RBPJ: variants seen among roughly 807,000 people sequenced by gnomAD.
RBPJ encodes the protein recombining binding protein suppressor of hairless.
A neutral mutation model predicts 67.8 loss-of-function variants in RBPJ; 9 were observed. The observed-to-expected ratio is 0.13, with a 90% CI of 0.08 to 0.23. The LOEUF (loss-of-function observed/expected upper bound fraction) is 0.23. Among genes scored for constraint, RBPJ ranks in the 10% least tolerant of loss-of-function variants. The pLI, the probability that RBPJ is intolerant of heterozygous loss-of-function variation, is 1.00. For missense variants in RBPJ, 305 were observed against 595.6 expected, an observed-to-expected ratio of 0.51 and a Z score of 5.08; for synonymous variants, 198 against 203.3, an observed-to-expected ratio of 0.97 and a Z score of 0.22.
upstream of RBPJ, chr4:26,320,880 T>A (rs1722951815): frequency 6.3e-7 from 1 of 1,580,120 alleles, no homozygotes; most frequent in Admixed American, 1.9e-5. Flanking sequence ...GGCGTCTGGC[T>A]CTTCGCGGCG....
At chr4:26,316,643 T>C (rs560163209), upstream of RBPJ, among the ~76,000 whole-genome samples, 1 of 142,650 alleles carries the variant, frequency 7.0e-6, no homozygotes, top group South Asian at 2.1e-4. Context: ...TTGATATATA[T>C]ATACACATAT....
rs532888930 is a variant in RBPJ, at chr4:26,293,236, C to G, written c.-166-69210C>G. On this transcript the variant is annotated intron_variant, in intron 1 of 4. Coordinates refer to the RBPJ transcript ENST00000512351. ...CTCAGCTGCAGGCCTCAGGGCTTTG[C>G]TAGGTTTCCCCCCTTTACTAGGTGT... Among the ~76,000 whole-genome samples, 131 of 150,576 alleles carry G rather than the reference C, an allele frequency of 8.7e-4. 2 individuals carry two copies. The highest frequency in any genetic ancestry group is 3.1e-3 in the African/African-American group (127 of 41,018).
intron 1 of RBPJ, among the ~76,000 whole-genome samples, chr4:26,363,181 C>T (rs1046195016): frequency 6.6e-6 from 1 of 152,170 alleles, no homozygotes; most frequent in African/African-American, 2.4e-5. Flanking sequence ...GCTCTGTCGT[C>T]TGAGCTGGAG....
intron 5 of RBPJ, among the ~76,000 whole-genome samples, chr4:26,421,739 A>G (rs942733741): frequency 5.3e-5 from 8 of 152,162 alleles, no homozygotes; most frequent in Non-Finnish European, 1.0e-4. Context: ...TGTAAATCTC[A>G]TCCTATCCTT....
At chr4:26,366,470 C>G (rs1728638185) in intron 1 of RBPJ, among the ~76,000 whole-genome samples, 1 of 152,070 alleles carries the variant, frequency 6.6e-6, no homozygotes, top group African/African-American at 2.4e-5. Flanking sequence ...GTCACCCAGG[C>G]TGGAGGACAG....
At chr4:26,254,994 A>G (rs116128213) in intron 1 of RBPJ, among the ~76,000 whole-genome samples, 6 of 129,192 alleles carry the variant, frequency 4.6e-5, no homozygotes, top group African/African-American at 1.9e-4. Flanking sequence ...GAACCACCGC[A>G]CCTGGCCAAC....
chr4:26,362,186 GTAA>G (rs2109501927), intron 1 of RBPJ, among the ~76,000 whole-genome samples: 1 of 152,278 alleles, frequency 6.6e-6, no homozygotes, highest in Admixed American at 6.5e-5. Flanking sequence ...AGTCTTTTAA[GTAA>G]TTTTTATTCC....
rs553253889 is a variant in RBPJ, at chr4:26,275,529, A to G, written c.-166-86917A>G. On this transcript the variant is annotated intron_variant, in intron 1 of 4. Coordinates refer to the RBPJ transcript ENST00000512351. ...TATGTGACTCGGGTGTGGCTAAGCAACATGTCAAGTCAGTCGCCGGAGAAA... is the reference window on the plus strand; with the variant it reads ...TATGTGACTCGGGTGTGGCTAAGCAGCATGTCAAGTCAGTCGCCGGAGAAA... Among the ~76,000 whole-genome samples the G allele has an allele frequency of 6.6e-5, 10 of 152,370 alleles. No homozygotes were observed. In the South Asian group the frequency reaches 2.1e-3, roughly 32 times the overall value.
intron 2 of RBPJ, among the ~76,000 whole-genome samples, chr4:26,398,110 C>T (rs1025494656): frequency 1.3e-5 from 2 of 151,844 alleles, no homozygotes; most frequent in African/African-American, 4.8e-5. Flanking sequence ...TTTGAAAATT[C>T]TTGATACAAC....
chr4:26,214,743 A>C (rs1718590015), intron 1 of RBPJ, among the ~76,000 whole-genome samples: 1 of 75,994 alleles, frequency 1.3e-5, no homozygotes, highest in Non-Finnish European at 2.6e-5. Context: ...GGGAAGAGAG[A>C]GAGAAAGAGA....
At chr4:26,428,957 C>A in intron 8 of RBPJ, 97 bp downstream of exon 8, 1 of 884,970 alleles carries the variant, frequency 1.1e-6, no homozygotes, top group Non-Finnish European at 1.8e-6. Flanking sequence ...TAATTATATA[C>A]AAATACATGA....
At chr4:26,403,716 C>T (rs1733091955) in intron 2 of RBPJ, among the ~76,000 whole-genome samples, 1 of 152,196 alleles carries the variant, frequency 6.6e-6, no homozygotes, top group Admixed American at 6.5e-5. Flanking sequence ...GACATGCTCT[C>T]ATTTTTTTTA....
At chr4:26,289,545 G>A (rs1167390730) in intron 1 of RBPJ, among the ~76,000 whole-genome samples, 1 of 150,632 alleles carries the variant, frequency 6.6e-6, no homozygotes, top group African/African-American at 2.4e-5. Flanking sequence ...TTCACTTTCT[G>A]ACAAGAGTGA....
chr4:26,362,396 A>G, intron 1 of RBPJ: 3 of 1,136,146 alleles, frequency 2.6e-6, no homozygotes, highest in Non-Finnish European at 3.6e-6. Context: ...GTGCACTAGC[A>G]GTTTAACATA....
At chr4:26,280,212 C>G (rs564621347) in intron 1 of RBPJ, among the ~76,000 whole-genome samples, 1 of 151,660 alleles carries the variant, frequency 6.6e-6, no homozygotes, top group African/African-American at 2.4e-5. Flanking sequence ...CTGGCTAACA[C>G]GGCGAAACCC....
intron 1 of RBPJ, among the ~76,000 whole-genome samples, chr4:26,281,589 A>G (rs935215422): frequency 6.6e-6 from 1 of 152,202 alleles, no homozygotes; most frequent in African/African-American, 2.4e-5. Context: ...ACTCTAAGAT[A>G]CGACCTTTAA....
chr4:26,392,878 A>C (rs1438018070), intron 2 of RBPJ, among the ~76,000 whole-genome samples: 1 of 152,226 alleles, frequency 6.6e-6, no homozygotes, highest in East Asian at 1.9e-4. Context: ...AAATATTCTG[A>C]AAGGGATTAG....
chr4:26,206,332 C>T (rs907328863), intron 1 of RBPJ, among the ~76,000 whole-genome samples: 4 of 152,174 alleles, frequency 2.6e-5, no homozygotes, highest in African/African-American at 4.8e-5. Context: ...TGTGACTATC[C>T]TTGTGAAATT....
At chr4:26,402,336 G>A (rs1732918741) in intron 2 of RBPJ, among the ~76,000 whole-genome samples, 1 of 152,284 alleles carries the variant, frequency 6.6e-6, no homozygotes, top group Middle Eastern at 3.4e-3. Flanking sequence ...AATGTTAGTG[G>A]GAATCGGCAC....
Sources: allele counts gnomAD v4.1 joint callset (sites outside exome capture counted in the v4.1 genomes callset), GRCh38; gene constraint gnomAD v4.1.1; transcripts MANE v1.5; gene names NCBI Gene and HGNC (gene_info 2026-07-23, HGNC 2026-07-21).